Variants in SLMAP observed in about 807,000 individuals in gnomAD.
The protein encoded by SLMAP is sarcolemma associated protein.
Under a neutral mutation model 128.8 loss-of-function variants are expected in SLMAP, and 44 were observed. The observed-to-expected ratio is 0.34, with a 90% CI of 0.27 to 0.44. The LOEUF (loss-of-function observed/expected upper bound fraction) is 0.44, where lower values mean the gene tolerates loss of function less well. Among genes scored for constraint, SLMAP ranks in the 20% least tolerant of loss-of-function variants. The pLI, the probability that SLMAP is intolerant of heterozygous loss-of-function variation, is 1.00. For missense variants in SLMAP, 787 were observed against 985.3 expected (o/e 0.80, Z 2.69); for synonymous variants, 327 against 348.8 (o/e 0.94, Z 0.70).
chr3:57,926,652 A>G (rs2097014922), intron 24 of SLMAP, among the ~76,000 whole-genome samples: 2 of 152,230 alleles, frequency 1.3e-5, no homozygotes, highest in African/African-American at 4.8e-5. Flanking sequence ...GCAACAGCCC[A>G]TCCATGCTTG....
chr3:57,871,631 A>C lies in SLMAP; in HGVS notation c.1238-5A>C. 1 of 1,611,168 alleles carries C rather than the reference A, an allele frequency of 6.2e-7. No individual in the cohort carries two copies. The highest frequency in any genetic ancestry group is 1.1e-5 in the South Asian group (1 of 90,960). ...TATCCTTAAAGGTGTTTCTTTCTTT[A>C]TTAGAGCACTTGCTTTCAAAGAGTG... On this transcript the variant is annotated splice_region_variant and splice_polypyrimidine_tract_variant and intron_variant, in intron 13 of 24. Coordinates refer to ENST00000671191, the MANE Select transcript of SLMAP (RefSeq NM_001377540.1).
At chr3:57,814,648 A>G (rs567375531) in intron 2 of SLMAP, among the ~76,000 whole-genome samples, 8 of 152,252 alleles carry the variant, frequency 5.3e-5, no homozygotes, top group Admixed American at 3.3e-4. Context: ...TTACATACAC[A>G]TGAGAGCTGA....
At chr3:57,824,024 C>T (rs915066094) in intron 2 of SLMAP, among the ~76,000 whole-genome samples, 1 of 152,004 alleles carries the variant, frequency 6.6e-6, no homozygotes, top group Non-Finnish European at 1.5e-5. Context: ...AAAACTTTAT[C>T]TTAAATATAC....
intron 2 of SLMAP, among the ~76,000 whole-genome samples, chr3:57,819,858 T>G (rs112866048): frequency 0.012 from 1,863 of 152,190 alleles, 15 homozygotes; most frequent in Non-Finnish European, 0.016. Flanking sequence ...GCTCAAGTGA[T>G]CCTCCTGCCT....
At chr3:57,906,666 G>GAAA (rs1206959758) in intron 17 of SLMAP, among the ~76,000 whole-genome samples, 9 of 24,726 alleles carry the variant, frequency 3.6e-4, no homozygotes, top group African/African-American at 9.2e-4. Context: ...CTATGAATAT[G>GAAA]AAAAAAAAAT....
At chr3:57,902,582 A>C (rs935396674) in intron 17 of SLMAP, among the ~76,000 whole-genome samples, 6 of 152,168 alleles carry the variant, frequency 3.9e-5, no homozygotes, top group Non-Finnish European at 8.8e-5. Context: ...AGTCTGAACT[A>C]GGGTAATTAC....
intron 17 of SLMAP, among the ~76,000 whole-genome samples, chr3:57,906,300 C>CTTTTTTTTCTTTTTTTTTTTTTTT (rs2096541411): frequency 1.4e-5 from 1 of 71,290 alleles, no homozygotes; most frequent in African/African-American, 4.8e-5. Context: ...AAATTTTTTT[C>CTTTTTTTTCTTTTTTTTTTTTTTT]TTTTTTTTTC....
At position 57,805,672 on chromosome 3, in the gene SLMAP, T is replaced by C. The variant is rs1242961700; in HGVS notation, c.199-25711T>C. Among the ~76,000 whole-genome samples the C allele has an allele frequency of 3.9e-5, 6 of 152,334 alleles. No individual in the cohort carries two copies. The South Asian group carries it at 6.2e-4, about 16-fold the overall frequency. On this transcript the variant is annotated intron_variant, in intron 2 of 24. Transcript: ENST00000671191. ...ATGAAATATCAGTTTGATCTCAGTATGTCCCTGCCTAAACCCTATAGTCGC... is the reference window on the plus strand; with the variant it reads ...ATGAAATATCAGTTTGATCTCAGTACGTCCCTGCCTAAACCCTATAGTCGC...
chr3:57,893,493 A>G (rs1432136346), intron 15 of SLMAP, among the ~76,000 whole-genome samples: 1 of 152,136 alleles, frequency 6.6e-6, no homozygotes, highest in Non-Finnish European at 1.5e-5. Context: ...TTATATTCCA[A>G]TGAGATCTTG....
At chr3:57,896,620 T>C in intron 16 of SLMAP, 29 bp downstream of exon 16, 1 of 1,537,310 alleles carries the variant, frequency 6.5e-7, no homozygotes, top group Non-Finnish European at 8.9e-7. Flanking sequence ...TTTACAGACC[T>C]GCAGCTGTTA....
At chr3:57,903,105 G>C (rs1408500027) in intron 17 of SLMAP, among the ~76,000 whole-genome samples, 2 of 152,130 alleles carry the variant, frequency 1.3e-5, no homozygotes, top group Admixed American at 6.5e-5. Context: ...GGTAGCAGAG[G>C]GAGTTTCTAG....
In SLMAP at chr3:57,864,901, T is replaced by G; in HGVS notation, c.1186+44T>G. ...TCTTACTTAAACCTGAATTTTATCC[T>G]TAAACTTTTGACCTTGTTTACTGTC... On this transcript the variant is annotated intron_variant, in intron 12 of 24. Coordinates refer to ENST00000671191, the MANE Select transcript of SLMAP (RefSeq NM_001377540.1). 3 of 1,472,418 alleles carry G rather than the reference T, an allele frequency of 2.0e-6. No individual in the cohort carries two copies. In the African/African-American group the frequency reaches 4.3e-5, roughly 21 times the overall value. 91.2% of individuals were successfully genotyped at this position (1,472,418 alleles called of 1,614,324 possible).
intron 2 of SLMAP, among the ~76,000 whole-genome samples, chr3:57,803,169 G>A (rs1291072970): frequency 1.3e-5 from 2 of 151,982 alleles, no homozygotes; most frequent in African/African-American, 4.8e-5. Context: ...TTGATTCCAT[G>A]AAAAATGACA....
chr3:57,889,972 T>TA (rs1408477049), intron 14 of SLMAP, 69 bp from the exon 15 acceptor site: 1 of 1,103,136 alleles, frequency 9.1e-7, no homozygotes, highest in Non-Finnish European at 1.4e-6. Flanking sequence ...TGGAATGTGT[T>TA]ACACTGCCCA....
chr3:57,759,140 G>A (rs1431063158), intron 2 of SLMAP, among the ~76,000 whole-genome samples: 2 of 152,160 alleles, frequency 1.3e-5, no homozygotes, highest in African/African-American at 2.4e-5. Context: ...TATACTTTAC[G>A]TGTAGGATGA....
intron 16 of SLMAP, 132 bp downstream of exon 16, chr3:57,896,723 C>A: frequency 7.8e-7 from 1 of 1,283,166 alleles, no homozygotes; most frequent in Non-Finnish European, 1.1e-6. Context: ...AAGTCATCCC[C>A]TTTGAATGCT....
chr3:57,821,497 C>T (rs917619929), intron 2 of SLMAP, among the ~76,000 whole-genome samples: 2 of 152,144 alleles, frequency 1.3e-5, no homozygotes, highest in African/African-American at 4.8e-5. Context: ...ATTAAAAATT[C>T]CAGCCTCAGA....
At chr3:57,843,784 T>C (rs566287635) in intron 4 of SLMAP, among the ~76,000 whole-genome samples, 1 of 138,208 alleles carries the variant, frequency 7.2e-6, no homozygotes, top group Non-Finnish European at 1.6e-5. Context: ...TCTTTTTTTT[T>C]TTTTTTTTTT....
chr3:57,806,259 C>T (rs1178584321), intron 2 of SLMAP, among the ~76,000 whole-genome samples: 4 of 151,950 alleles, frequency 2.6e-5, no homozygotes, highest in Non-Finnish European at 5.9e-5. Context: ...TCCCTGTGTC[C>T]ATGTGTTCTC....
Sources: allele counts gnomAD v4.1 joint callset (sites outside exome capture counted in the v4.1 genomes callset), GRCh38; gene constraint gnomAD v4.1.1; transcripts MANE v1.5; gene names NCBI Gene and HGNC (gene_info 2026-07-23, HGNC 2026-07-21).